The following MUC5AC variants were observed in gnomAD, a reference collection of about 807,000 sequenced individuals.
MUC5AC encodes the protein mucin 5AC, oligomeric mucus/gel-forming, also known as mucin-5AC.
In MUC5AC, 158 loss-of-function variants were observed where a neutral mutation model predicts 169.7. The ratio of observed to expected loss-of-function variants is 0.93; its 90% CI spans 0.82 to 1.06. The LOEUF is 1.06. Ranked by LOEUF, MUC5AC falls within the 50% of genes least tolerant of loss-of-function variation. The pLI is 0.00. For synonymous variants in MUC5AC, 1,975 were observed against 1,237.0 expected (o/e 1.60, Z -12.52); for missense variants, 4,359 against 3,089.9 (o/e 1.41, Z -9.74).
In MUC5AC at chr11:1,196,332, G is replaced by A. The variant is rs185059478; in HGVS notation, c.15638-56G>A. 240 of 758,424 alleles carry A rather than the reference G, an allele frequency of 3.2e-4. 2 individuals are homozygous for A. The East Asian group carries it at 4.6e-3, about 15-fold the overall frequency. 47.0% of individuals were successfully genotyped at this position (758,424 alleles called of 1,614,324 possible). ...CAGATGTTGGTGCCCAGCGGCCCGC[G>A]TTGCTCTGGGTGGGTGCCCTCCCAC... On this transcript the variant is annotated intron_variant, in intron 37 of 48. Transcript: ENST00000621226.
chr11:1,160,156 T>C (rs754213945), intron 1 of MUC5AC, among the ~76,000 whole-genome samples: 2 of 152,130 alleles, frequency 1.3e-5, no homozygotes, highest in Non-Finnish European at 2.9e-5. Flanking sequence ...ATCAGCCTCC[T>C]GCAGGGTCTG....
intron 34 of MUC5AC, 25 bp downstream of exon 34, chr11:1,194,385 G>A (rs77159465): frequency 4.3e-4 from 303 of 711,076 alleles, no homozygotes; most frequent in Non-Finnish European, 6.5e-4. Context: ...GGTGTGCCGC[G>A]GAGGGGGTGG....
At chr11:1,178,736 A>C in intron 25 of MUC5AC, 53 bp downstream of exon 25, 1 of 971,608 alleles carries the variant, frequency 1.0e-6, no homozygotes, top group Non-Finnish European at 1.3e-6. Context: ...TGGTGACCCA[A>C]GGAGCCCCCA....
Position 1,196,024 on chromosome 11 carries a change from G to A in MUC5AC, c.15607G>A (p.Asp5203Asn), listed in dbSNP as rs746859500. The A allele has an allele frequency of 1.0e-5, 8 of 764,840 alleles. No homozygotes were observed. The highest frequency in any genetic ancestry group is 3.4e-5 in the Admixed American group (2 of 59,010). 47.4% of individuals were successfully genotyped at this position (764,840 alleles called of 1,614,324 possible). A position where few individuals can be genotyped will look rare whatever the true frequency, so the allele number is the denominator to read the frequency against. The change falls in exon 37 of 49, where the codon GAT becomes AAT. Residue 5203 changes from aspartate (D) to asparagine (N), a missense_variant. Asp to Asn is a conservative substitution (Grantham distance 23). Transcript: ENST00000621226. ...CTGTGCGTCCCACGACATCTGCATC[G>A]ATTGGAGAGGCCGGACCGGCCACAT... is the stretch of plus-strand genomic sequence containing the variant. ...ALCASHDICI[D>N]WRGRTGHMCP...
chr11:1,199,421 T>A lies in MUC5AC; in HGVS notation c.16446T>A (p.Cys5482Ter). 1.4e-6 allele frequency: 1 copy of A among 732,230 alleles called. No individual in the cohort carries two copies. Among genetic ancestry groups the A allele is most frequent in the Non-Finnish European group, 2.5e-6 (1 of 401,588 alleles). The allele number at this position is 732,230 out of a possible 1,614,324, so 45.4% of individuals were successfully genotyped here. Residue 5482 changes from cysteine (C) to a stop codon, truncating the protein, a stop_gained, in exon 46 of 49, where the codon TGT becomes TGA. Coordinates refer to ENST00000621226, the MANE Select transcript of MUC5AC (RefSeq NM_001304359.2). LOFTEE classifies it high-confidence loss of function. ...DAGNHCVTHQ[C>*]EKHQDGLVVV... ...GGAACCACTGTGTGACCCACCAGTG[T>A]GAGAAGCACCAGGATGGGCTCGTGG...
chr11:1,168,587 G>A, intron 13 of MUC5AC, 35 bp downstream of exon 13: 1 of 1,612,438 alleles, frequency 6.2e-7, no homozygotes, highest in Non-Finnish European at 8.5e-7. Flanking sequence ...CCCCGGGGCT[G>A]CCTGGGGTCC....
At chr11:1,173,018 C>T (rs1297196842) in intron 16 of MUC5AC, among the ~76,000 whole-genome samples, 1 of 142,788 alleles carries the variant, frequency 7.0e-6, no homozygotes, top group Non-Finnish European at 1.5e-5. Context: ...ACCCATTCGC[C>T]CCCCCACTCA....
Position 1,190,320 on chromosome 11 carries a change from G to A in MUC5AC, c.12175G>A (p.Val4059Met), listed in dbSNP as rs1273822577. 62 of 674,152 alleles carry A rather than the reference G, an allele frequency of 9.2e-5. No homozygotes were observed. The highest frequency in any genetic ancestry group is 7.3e-4 in the African/African-American group (41 of 56,080). 41.8% of individuals were successfully genotyped at this position (674,152 alleles called of 1,614,324 possible). The change falls in exon 31 of 49, where the codon GTG (valine) becomes ATG (methionine). Residue 4059 changes from valine to methionine, a missense_variant. By Grantham distance (21) the Val-to-Met change is conservative. Transcript: ENST00000621226. ...LCCETPKGCP[V>M]TSTPVTAPST... ...CTGCGAGACCCCCAAAGGCTGCCCC[G>A]TGACCTCCACACCTGTGACAGCTCC...
chr11:1,166,481 C>T (rs1285430441), intron 11 of MUC5AC, among the ~76,000 whole-genome samples: 1 of 136,902 alleles, frequency 7.3e-6, no homozygotes, highest in Non-Finnish European at 1.6e-5. Context: ...ACCCAACACA[C>T]AGTCTCTCCA....
rs898876017 is a variant in MUC5AC, at chr11:1,173,570, C to T, written c.1966-926C>T. Among the ~76,000 whole-genome samples, 18 of 128,282 alleles carry T rather than the reference C, an allele frequency of 1.4e-4. No homozygotes were observed. In the Middle Eastern group the frequency reaches 0.011, roughly 80 times the overall value. 84.2% of individuals were successfully genotyped at this position (128,282 alleles called of 152,430 possible). On this transcript the variant is annotated intron_variant, in intron 16 of 48. Transcript: ENST00000621226. ...TCACTAATTCCTTCACCTACTCATT[C>T]ATCCACTCACTCACCCACTCACTCA... is the stretch of plus-strand genomic sequence containing the variant.
In MUC5AC at chr11:1,190,582, C is replaced by G; in HGVS notation, c.12437C>G (p.Thr4146Ser). The change falls in exon 31 of 49, where the codon ACT becomes AGT. Residue 4146 changes from threonine (T) to serine (S), a missense_variant. Transcript: ENST00000621226. ...STTSAPTHRT[T>S]SGPTTSTTLA... Reference sequence around the variant, plus strand: ...ACCTCAGCTCCTACACACAGAACGACTTCTGGTCCTACAACCAGCACAACC... The same window carrying G: ...ACCTCAGCTCCTACACACAGAACGAGTTCTGGTCCTACAACCAGCACAACC... The G allele has an allele frequency of 2.9e-6, 2 of 693,896 alleles. No individual in the cohort carries two copies. Among genetic ancestry groups the G allele is most frequent in the South Asian group, 3.0e-5 (2 of 66,142 alleles). 43.0% of individuals were successfully genotyped at this position (693,896 alleles called of 1,614,324 possible).
chr11:1,165,177 C>T, intron 9 of MUC5AC, 125 bp from the exon 10 acceptor site: 1 of 892,884 alleles, frequency 1.1e-6, no homozygotes, highest in Non-Finnish European at 1.7e-6. Flanking sequence ...GGCTGAGGCC[C>T]CCGTCCTGGG....
At position 1,164,129 on chromosome 11, in the gene MUC5AC, C is replaced by T. The variant is rs755885197; in HGVS notation, c.813C>T (p.His271=). Residue 271 remains histidine, a synonymous_variant, in exon 8 of 49, where the codon CAC becomes CAT. Coordinates refer to ENST00000621226, the MANE Select transcript of MUC5AC (RefSeq NM_001304359.2). ...TGFGICEELL[H]GQLFSGCVAL... ...AGGGCATCTGTGAGGAGCTCCTGCA[C>T]GGCCAGCTGTTCTCTGGCTGCGTGG... The T allele has an allele frequency of 1.6e-5, 25 of 1,612,038 alleles. No homozygotes were observed. The highest frequency in any genetic ancestry group is 2.2e-5 in the South Asian group (2 of 91,082).
intron 16 of MUC5AC, among the ~76,000 whole-genome samples, chr11:1,173,661 C>T (rs1490847102): frequency 1.3e-5 from 2 of 151,652 alleles, no homozygotes; most frequent in African/African-American, 2.4e-5. Flanking sequence ...TTCCCTCATT[C>T]ATTCCTTTAC....
Position 1,178,668 on chromosome 11 carries a change from C to A in MUC5AC, c.3312C>A (p.Ala1104=). 7.6e-7 allele frequency: 1 copy of A among 1,315,526 alleles called. No homozygotes were observed. Among genetic ancestry groups the A allele is most frequent in the Non-Finnish European group, 9.8e-7 (1 of 1,024,776 alleles). 81.5% of individuals were successfully genotyped at this position (1,315,526 alleles called of 1,614,324 possible). A position where few individuals can be genotyped will look rare whatever the true frequency, so the allele number is the denominator to read the frequency against. Reference sequence around the variant, plus strand: ...GCATCCTCCACGGCCCCACCTTCGCCGCCTGCCACGCACACGTATGCTGGC... The same window carrying A: ...GCATCCTCCACGGCCCCACCTTCGCAGCCTGCCACGCACACGTATGCTGGC... ...QCSILHGPTF[A]ACHAHVEPAR... is the part of the protein sequence containing the mutation. Residue 1104 remains alanine (A), a synonymous_variant, in exon 25 of 49, where the codon GCC becomes GCA. Coordinates refer to ENST00000621226, the MANE Select transcript of MUC5AC (RefSeq NM_001304359.2).
chr11:1,171,775 CTCACCCAT>C (rs1265657343), intron 15 of MUC5AC, among the ~76,000 whole-genome samples: 2 of 139,236 alleles, frequency 1.4e-5, no homozygotes, highest in Non-Finnish European at 3.1e-5. Flanking sequence ...CACTCACCCA[CTCACCCAT>C]TCACCCACTC....
chr11:1,165,734 G>GACTGCACCGTGTGC lies in MUC5AC; in HGVS notation c.1360_1361insACTGCACCGTGTGC (p.Gly454AspfsTer12). On this transcript the variant is annotated frameshift_variant, in exon 11 of 49. Transcript: ENST00000621226. LOFTEE classifies it high-confidence loss of function. ...TGACGGGAAGCAATACACGGTGCAC[G>GACTGCACCGTGTGC]GCGACTGCAGCTATGTGCTGACCAA... The GACTGCACCGTGTGC allele has an allele frequency of 6.2e-7, 1 of 1,612,296 alleles. No individual in the cohort carries two copies. Among genetic ancestry groups the GACTGCACCGTGTGC allele is most frequent in the Non-Finnish European group, 8.5e-7 (1 of 1,179,732 alleles).
In MUC5AC at chr11:1,174,480, AC is replaced by A; in HGVS notation, c.1966-11del. On this transcript the variant is annotated splice_polypyrimidine_tract_variant and intron_variant, in intron 16 of 48. Transcript: ENST00000621226. Reference sequence around the variant, plus strand: ...GGCTGGGGTCTCTGATGCCCCGATGACCCCCTTCCCTGCAGAACTGCATGTT... The same window carrying A: ...GGCTGGGGTCTCTGATGCCCCGATGACCCCTTCCCTGCAGAACTGCATGTT... 1 of 1,487,044 alleles carries A rather than the reference AC, an allele frequency of 6.7e-7. No homozygotes were observed. 92.1% of individuals were successfully genotyped at this position (1,487,044 alleles called of 1,614,324 possible).
chr11:1,169,450 C>G (rs1245890584), intron 15 of MUC5AC, among the ~76,000 whole-genome samples: 9 of 121,336 alleles, frequency 7.4e-5, no homozygotes, highest in Admixed American at 3.8e-4. Flanking sequence ...CACCCACTCA[C>G]TCACTCACCT....
Sources: gnomAD v4.1 joint callset for allele counts (sites outside exome capture counted in the v4.1 genomes callset) on GRCh38, gnomAD v4.1.1 for gene constraint, MANE v1.5 for transcripts, NCBI Gene and HGNC (gene_info 2026-07-23, HGNC 2026-07-21) for gene names.